ATP11A: variants seen among roughly 807,000 people sequenced by gnomAD.
ATP11A encodes phospholipid-transporting ATPase IH.
Under a neutral mutation model 154.4 loss-of-function variants are expected in ATP11A, and 81 were observed. That is an observed-to-expected ratio of 0.52 (90% CI 0.44 to 0.63). The LOEUF (loss-of-function observed/expected upper bound fraction) is 0.63. ATP11A is among the 30% of genes least tolerant of loss of function. The probability of loss-of-function intolerance (pLI) is 0.00; values close to 1 mark genes in which losing one functional copy is unlikely to be tolerated. For missense variants in ATP11A, 1,316 were observed against 1,474.3 expected (o/e 0.89, Z 1.76); for synonymous variants, 623 against 585.9 (o/e 1.06, Z -0.91).
intron 1 of ATP11A, among the ~76,000 whole-genome samples, chr13:112,718,396 A>G (rs747111168): frequency 6.6e-6 from 1 of 152,186 alleles, no homozygotes; most frequent in Non-Finnish European, 1.5e-5. Flanking sequence ...GTTTCCAGTT[A>G]AATTTACAAC....
chr13:112,715,913 C>T (rs79650813), intron 1 of ATP11A, among the ~76,000 whole-genome samples: 2,044 of 152,054 alleles, frequency 0.013, 49 homozygotes, highest in African/African-American at 0.047. Flanking sequence ...AATCCGATCC[C>T]ATTCCTTTCC....
At chr13:112,721,334 C>A (rs1168716755) in intron 1 of ATP11A, among the ~76,000 whole-genome samples, 2 of 152,076 alleles carry the variant, frequency 1.3e-5, no homozygotes, top group African/African-American at 4.8e-5. Context: ...ACAAATGTTA[C>A]GGGAAAGAAG....
intron 15 of ATP11A, among the ~76,000 whole-genome samples, chr13:112,835,678 CG>C (rs2079213740): frequency 6.6e-6 from 1 of 152,242 alleles, no homozygotes; most frequent in Non-Finnish European, 1.5e-5. Flanking sequence ...GGGGCAGCAG[CG>C]GGGGCTGCCA....
At chr13:112,738,584 G>A (rs1216811657) in intron 1 of ATP11A, among the ~76,000 whole-genome samples, 1 of 152,208 alleles carries the variant, frequency 6.6e-6, no homozygotes, top group African/African-American at 2.4e-5. Flanking sequence ...GCAGCGCAGA[G>A]CTCCTTTAAG....
At chr13:112,737,057 A>G (rs1891067497) in intron 1 of ATP11A, among the ~76,000 whole-genome samples, 1 of 152,246 alleles carries the variant, frequency 6.6e-6, no homozygotes, top group Non-Finnish European at 1.5e-5. Context: ...AGTAGAAAAA[A>G]ACAAAAATAA....
At chr13:112,780,608 C>T (rs1284759467) in intron 1 of ATP11A, among the ~76,000 whole-genome samples, 1 of 152,114 alleles carries the variant, frequency 6.6e-6, no homozygotes, top group Non-Finnish European at 1.5e-5. Context: ...TTTTTTGTGC[C>T]CCTCCAGGAG....
chr13:112,837,512 T>C (rs1269596884), intron 16 of ATP11A, among the ~76,000 whole-genome samples: 3 of 152,196 alleles, frequency 2.0e-5, no homozygotes, highest in African/African-American at 7.2e-5. Context: ...CTCCGCCGAG[T>C]GCTCCCAAAT....
chr13:112,857,323 A>G (rs1179472580), intron 20 of ATP11A, among the ~76,000 whole-genome samples: 1 of 152,248 alleles, frequency 6.6e-6, no homozygotes, highest in African/African-American at 2.4e-5. Flanking sequence ...TTTGCACGTT[A>G]CAAATTTGAA....
Position 112,753,388 on chromosome 13 carries a change from G to A in ATP11A, c.40-31747G>A, listed in dbSNP as rs1000082690. On this transcript the variant is annotated intron_variant, in intron 1 of 29. Transcript: ENST00000375645. This position sits in a 1 kb window ranked among gnomAD's most constrained non-coding sequence, Gnocchi z 4.1. ...GGGAGATTTCTGAGAAGGGGGGTAC[G>A]TTTGCGGTTTGCTCTGTCAGTGCCG... is the stretch of plus-strand genomic sequence containing the variant. Among the ~76,000 whole-genome samples, 8 of 152,210 alleles carry A rather than the reference G, an allele frequency of 5.3e-5. No individual in the cohort carries two copies. Among genetic ancestry groups the A allele is most frequent in the Admixed American group, 2.0e-4 (3 of 15,276 alleles).
At position 112,832,864 on chromosome 13, in the gene ATP11A, G is replaced by T; in HGVS notation, c.1400G>T (p.Arg467Leu). Reference protein sequence around the residue: ...DSSPSVNGREREELFFRALCL... With the variant: ...DSSPSVNGRELEELFFRALCL... Reference sequence around the variant, plus strand: ...CTGGGAACTGCTTTTTTATAGGAGCGCGAGGAGCTGTTTTTCCGGGCCCTC... The same window carrying T: ...CTGGGAACTGCTTTTTTATAGGAGCTCGAGGAGCTGTTTTTCCGGGCCCTC... Residue 467 changes from arginine to leucine, a missense_variant, in exon 14 of 30, where the codon CGC becomes CTC. Physicochemically the swap from Arg to Leu is moderately radical, Grantham distance 102. Transcript: ENST00000375645. 1 of 1,612,662 alleles carries T rather than the reference G, an allele frequency of 6.2e-7. No homozygotes were observed. The highest frequency in any genetic ancestry group is 1.7e-5 in the Admixed American group (1 of 59,896).
At chr13:112,694,463 G>T (rs1032864210) in intron 1 of ATP11A, among the ~76,000 whole-genome samples, 5 of 152,180 alleles carry the variant, frequency 3.3e-5, no homozygotes, top group Admixed American at 6.5e-5. Flanking sequence ...CTGACACTGA[G>T]CATGGTGTGG....
intron 16 of ATP11A, among the ~76,000 whole-genome samples, chr13:112,839,612 G>C (rs2079337660): frequency 6.6e-6 from 1 of 152,202 alleles, no homozygotes; most frequent in South Asian, 2.1e-4. Flanking sequence ...TTGGGGACAG[G>C]ATCCTGTGTG....
intron 12 of ATP11A, among the ~76,000 whole-genome samples, chr13:112,830,719 C>T (rs1337632839): frequency 3.3e-5 from 5 of 152,180 alleles, no homozygotes; most frequent in Non-Finnish European, 5.9e-5. Flanking sequence ...GTGGACGCGC[C>T]CAAGCTCAGT....
At chr13:112,822,423 C>T (rs2140210357) in intron 8 of ATP11A, among the ~76,000 whole-genome samples, 1 of 152,200 alleles carries the variant, frequency 6.6e-6, no homozygotes, top group South Asian at 2.1e-4. Context: ...CTTGTTTTCC[C>T]CCCAAAGCAG....
At chr13:112,852,545 G>C (rs984074704) in intron 18 of ATP11A, among the ~76,000 whole-genome samples, 4 of 152,230 alleles carry the variant, frequency 2.6e-5, no homozygotes, top group African/African-American at 9.6e-5. Context: ...AGGCTTTGCT[G>C]CTGGGGGCTG....
intron 1 of ATP11A, among the ~76,000 whole-genome samples, chr13:112,741,519 C>T (rs993885853): frequency 6.6e-6 from 1 of 152,200 alleles, no homozygotes; most frequent in Admixed American, 6.5e-5. Context: ...CTGGCCTGGG[C>T]TGCTCCAGGC....
Position 112,858,198 on chromosome 13 carries a change from C to G in ATP11A, c.2575C>G (p.Pro859Ala), listed in dbSNP as rs373061857. Residue 859 changes from proline to alanine, a missense_variant, in exon 22 of 30, where the codon CCA becomes GCA. Pro to Ala is a conservative substitution (Grantham distance 27). Coordinates refer to ENST00000375645, the MANE Select transcript of ATP11A (RefSeq NM_015205.3). ...QAARNSDYAI[P>A]KFKHLKKMLL... ...TGCCAGGAACAGCGACTATGCAATC[C>G]CAAAGTTTAAGCATTTGAAGAAGAT... 13 of 1,614,070 alleles carry G rather than the reference C, an allele frequency of 8.1e-6. No individual in the cohort carries two copies. The East Asian group carries it at 2.9e-4, about 36-fold the overall frequency.
intron 1 of ATP11A, among the ~76,000 whole-genome samples, chr13:112,733,662 G>T (rs559992171): frequency 9.2e-5 from 14 of 152,200 alleles, no homozygotes; most frequent in Admixed American, 4.6e-4. Flanking sequence ...ACAAGTGAAG[G>T]AGTATTGCAC....
chr13:112,764,919 G>A (rs1295318268), intron 1 of ATP11A, among the ~76,000 whole-genome samples: 1 of 152,200 alleles, frequency 6.6e-6, no homozygotes, highest in Admixed American at 6.5e-5. Flanking sequence ...ACCAGTCTGG[G>A]CTGGTAGAAG....
Sources: gnomAD v4.1 joint callset for allele counts (sites outside exome capture counted in the v4.1 genomes callset) on GRCh38, gnomAD v4.1.1 for gene constraint, Gnocchi (gnomAD v3.1) non-coding constraint, MANE v1.5 for transcripts, NCBI Gene and HGNC (gene_info 2026-07-23, HGNC 2026-07-21) for gene names.